TANC1: variants seen among roughly 807,000 people sequenced by gnomAD.
The protein encoded by TANC1 is protein TANC1.
Under a neutral mutation model 149.7 loss-of-function variants are expected in TANC1, and 77 were observed. The observed-to-expected ratio is 0.51, with a 90% CI of 0.43 to 0.62. The LOEUF (loss-of-function observed/expected upper bound fraction) is 0.62, where lower values mean the gene tolerates loss of function less well. Among genes scored for constraint, TANC1 ranks in the 20% least tolerant of loss-of-function variants. The pLI, the probability that TANC1 is intolerant of heterozygous loss-of-function variation, is 0.00. For synonymous variants in TANC1, 854 were observed against 925.0 expected (o/e 0.92, Z 1.39); for missense variants, 1,985 against 2,321.8 (o/e 0.85, Z 2.98).
chr2:159,144,412 GTC>G (rs1473904825), intron 5 of TANC1, among the ~76,000 whole-genome samples: 1 of 152,166 alleles, frequency 6.6e-6, no homozygotes, highest in East Asian at 1.9e-4. Context: ...GTCTCGCTCT[GTC>G]TCTCAGGCTG....
At chr2:159,100,241 A>C (rs1007236125) in intron 4 of TANC1, among the ~76,000 whole-genome samples, 1 of 152,164 alleles carries the variant, frequency 6.6e-6, no homozygotes, top group African/African-American at 2.4e-5. Context: ...GGAAGACTGC[A>C]TGTCAGATAT....
At chr2:159,217,362 A>T in intron 19 of TANC1, 135 bp from the exon 20 acceptor site, 1 of 1,123,162 alleles carries the variant, frequency 8.9e-7, no homozygotes, top group Non-Finnish European at 1.3e-6. Flanking sequence ...AAGCTGTCAC[A>T]GAGCCCCCGC....
At chr2:159,069,402 G>T (rs2042950798) in intron 3 of TANC1, among the ~76,000 whole-genome samples, 2 of 152,078 alleles carry the variant, frequency 1.3e-5, no homozygotes, top group South Asian at 4.1e-4. Flanking sequence ...CCTGCTTTAT[G>T]TTAGGACCTT....
At chr2:159,099,132 C>A (rs1300795021) in intron 4 of TANC1, among the ~76,000 whole-genome samples, 1 of 152,144 alleles carries the variant, frequency 6.6e-6, no homozygotes, top group African/African-American at 2.4e-5. Flanking sequence ...TTGTGAGTGT[C>A]CAAAATCTTT....
At chr2:159,200,631 A>G (rs1490292415) in intron 19 of TANC1, among the ~76,000 whole-genome samples, 2 of 152,166 alleles carry the variant, frequency 1.3e-5, no homozygotes, top group Non-Finnish European at 2.9e-5. Flanking sequence ...GAATCTGCCA[A>G]TCAGTTGATG....
chr2:159,005,143 C>T (rs553759959), intron 2 of TANC1, among the ~76,000 whole-genome samples: 290 of 152,232 alleles, frequency 1.9e-3, no homozygotes, highest in Non-Finnish European at 3.3e-3. Context: ...GCCCTCATTC[C>T]GATAAACCCA....
intron 2 of TANC1, among the ~76,000 whole-genome samples, chr2:159,028,956 A>G (rs900914682): frequency 2.6e-5 from 4 of 152,020 alleles, no homozygotes; most frequent in South Asian, 4.1e-4. Flanking sequence ...GGATCTTGCT[A>G]TGTTGCCCAG....
At chr2:159,145,575 G>C (rs898043479) in intron 5 of TANC1, among the ~76,000 whole-genome samples, 17 of 152,154 alleles carry the variant, frequency 1.1e-4, no homozygotes, top group Admixed American at 4.6e-4. Context: ...TGGTTGTAGA[G>C]GGCACTGATG....
chr2:159,069,857 C>G (rs2042995432), intron 3 of TANC1, among the ~76,000 whole-genome samples: 1 of 150,314 alleles, frequency 6.7e-6, no homozygotes. Context: ...CATCCTTGAC[C>G]TCTCAGGCTC....
At chr2:159,217,707 C>CACAATGCAGCTCCCCTGAGCCT in intron 20 of TANC1, 77 bp downstream of exon 20, 1 of 1,543,354 alleles carries the variant, frequency 6.5e-7, no homozygotes, top group Non-Finnish European at 8.9e-7. Context: ...CCCCTGAGAA[C>CACAATGCAGCTCCCCTGAGCCT]ACAATGCAGC....
At chr2:159,007,718 G>T (rs983049372) in intron 2 of TANC1, among the ~76,000 whole-genome samples, 1 of 152,160 alleles carries the variant, frequency 6.6e-6, no homozygotes, top group South Asian at 2.1e-4. Context: ...ATTCCTGAAC[G>T]GAATGGTAAG....
At chr2:159,139,958 C>G (rs564450755) in intron 5 of TANC1, among the ~76,000 whole-genome samples, 4 of 152,024 alleles carry the variant, frequency 2.6e-5, no homozygotes, top group Admixed American at 2.6e-4. Flanking sequence ...TGTGGTGGCT[C>G]GCCCTTATAA....
intron 18 of TANC1, among the ~76,000 whole-genome samples, chr2:159,198,496 G>A (rs563213709): frequency 8.1e-4 from 124 of 152,306 alleles, no homozygotes; most frequent in Middle Eastern, 3.4e-3. Context: ...GACTTGACCC[G>A]CCCTTTGACA....
chr2:159,116,618 A>G (rs1018375831), intron 4 of TANC1, among the ~76,000 whole-genome samples: 14 of 152,346 alleles, frequency 9.2e-5, no homozygotes, highest in African/African-American at 3.1e-4. Flanking sequence ...CCATCGTAGT[A>G]CAGAGCAGCC....
chr2:159,040,048 A>G (rs1208836351), intron 2 of TANC1, among the ~76,000 whole-genome samples: 4 of 152,182 alleles, frequency 2.6e-5, no homozygotes, highest in Admixed American at 6.5e-5. Context: ...CATTGGGTGC[A>G]TATATATTTA....
chr2:158,972,111 G>C (rs895105469), intron 1 of TANC1, among the ~76,000 whole-genome samples: 24 of 152,192 alleles, frequency 1.6e-4, no homozygotes, highest in Non-Finnish European at 2.9e-5. Context: ...GTTTCAGAAA[G>C]TCACATGCTT....
chr2:158,996,070 G>T (rs2036105620), intron 1 of TANC1, among the ~76,000 whole-genome samples: 1 of 152,196 alleles, frequency 6.6e-6, no homozygotes, highest in African/African-American at 2.4e-5. Context: ...TAACTTGATG[G>T]CTGGACATGG....
chr2:159,052,909 A>G (rs1053371690), intron 2 of TANC1, among the ~76,000 whole-genome samples: 3 of 152,246 alleles, frequency 2.0e-5, no homozygotes, highest in African/African-American at 7.2e-5. Flanking sequence ...TTAGTGTATC[A>G]GGTTTGCTTT....
chr2:159,113,094 G>T (rs955961798), intron 4 of TANC1, among the ~76,000 whole-genome samples: 1 of 151,920 alleles, frequency 6.6e-6, no homozygotes, highest in East Asian at 1.9e-4. Context: ...GTCACTACGC[G>T]TGGCTAATTT....
Sources: allele counts gnomAD v4.1 joint callset (sites outside exome capture counted in the v4.1 genomes callset), GRCh38; gene constraint gnomAD v4.1.1; transcripts MANE v1.5; gene names NCBI Gene and HGNC (gene_info 2026-07-23, HGNC 2026-07-21).